COPZ2: variants seen among roughly 807,000 people sequenced by gnomAD.
COPZ2 encodes the protein coat protein complex I subunit zeta 2.
A neutral mutation model predicts 33.2 loss-of-function variants in COPZ2; 30 were observed. The ratio of observed to expected loss-of-function variants is 0.90; its 90% CI spans 0.68 to 1.23. The LOEUF (loss-of-function observed/expected upper bound fraction) is 1.23. Among genes scored for constraint, COPZ2 ranks in the 50% most tolerant of loss-of-function variants. The probability of loss-of-function intolerance (pLI) is 0.00; values close to 1 mark genes in which losing one functional copy is unlikely to be tolerated. For synonymous variants in COPZ2, 89 were observed against 102.6 expected (o/e 0.87, Z 0.80); for missense variants, 263 against 262.4 (o/e 1.00, Z -0.02).
chr17:48,040,108 C>T (rs114759915), upstream of COPZ2, among the ~76,000 whole-genome samples: 12,736 of 149,792 alleles, frequency 0.085, 633 homozygotes, highest in African/African-American at 0.12. Context: ...GCCAAGAGAG[C>T]GAGAACCTGC....
At chr17:48,029,314 C>T (rs1598257332) in intron 6 of COPZ2, 138 bp from the exon 7 acceptor site, 7 of 776,300 alleles carry the variant, frequency 9.0e-6, no homozygotes, top group Middle Eastern at 3.5e-4. Flanking sequence ...CCACTGATAG[C>T]CCTCAAGTCA....
chr17:48,026,912 G>A (rs1415490949), intron 8 of COPZ2, among the ~76,000 whole-genome samples: 1 of 152,270 alleles, frequency 6.6e-6, no homozygotes, highest in Non-Finnish European at 1.5e-5. Flanking sequence ...CACTGCTGAT[G>A]TGGCATAGCT....
At chr17:48,041,808 AT>A (rs34673033), upstream of COPZ2, among the ~76,000 whole-genome samples, 68,597 of 141,710 alleles carry the variant, frequency 0.48, 15,959 homozygotes, top group Middle Eastern at 0.62. Flanking sequence ...GAGCTAGTCC[AT>A]TTTTTTTTTT....
chr17:48,037,919 T>G, upstream of COPZ2: 1 of 861,364 alleles, frequency 1.2e-6, no homozygotes, highest in Non-Finnish European at 1.4e-6. The surrounding 1 kb of genome is among the most constrained non-coding windows in gnomAD (Gnocchi z 5.6). Context: ...CTCCCCCATC[T>G]CCCCTCCCGC....
chr17:48,042,868 C>T (rs958807087), upstream of COPZ2, among the ~76,000 whole-genome samples: 4 of 152,222 alleles, frequency 2.6e-5, no homozygotes, highest in Admixed American at 6.5e-5. Context: ...TCCCCAAACT[C>T]CTTCAACAGA....
rs937886039 is a variant in COPZ2 at position 48,037,418 on chromosome 17, CAA to C, written c.111+247_111+248del. On this transcript the variant is annotated intron_variant, in intron 1 of 8. Coordinates refer to ENST00000621465, the MANE Select transcript of COPZ2 (RefSeq NM_016429.4). The surrounding 1 kb of genome is among the most constrained non-coding windows in gnomAD (Gnocchi z 5.6). ...ACTCCTTACCCTCCCCGCGGAATCG[CAA>C]CTCACCCGCCACCCCCACTCCAAAC... Among the ~76,000 whole-genome samples, 10 of 152,190 alleles carry C rather than the reference CAA, an allele frequency of 6.6e-5. No individual in the cohort carries two copies. Among genetic ancestry groups the C allele is most frequent in the Admixed American group, 2.0e-4 (3 of 15,288 alleles).
At chr17:48,040,078 C>T (rs1293844246), upstream of COPZ2, among the ~76,000 whole-genome samples, 1 of 151,762 alleles carries the variant, frequency 6.6e-6, no homozygotes, top group African/African-American at 2.4e-5. Context: ...CCCGAGACCG[C>T]ACTACAGCAC....
the COPZ2 span, among the ~76,000 whole-genome samples, chr17:48,044,325 C>A: frequency 6.6e-6 from 1 of 151,414 alleles, no homozygotes; most frequent in Non-Finnish European, 1.5e-5. Flanking sequence ...CCAGCCTGGA[C>A]CACAGAGCGA....
upstream of COPZ2, among the ~76,000 whole-genome samples, chr17:48,038,783 AT>A (rs1380560123): frequency 2.6e-5 from 4 of 152,152 alleles, no homozygotes; most frequent in Non-Finnish European, 5.9e-5. Flanking sequence ...CTTACCCTAG[AT>A]GGTTACAGAA....
At chr17:48,043,393 C>T in the COPZ2 span, 4 of 387,286 alleles carry the variant, frequency 1.0e-5, no homozygotes, top group South Asian at 1.1e-4. Flanking sequence ...AGGATTTCAG[C>T]ATCTGTTCTT....
rs1321809895 is a variant in COPZ2, at chr17:48,033,910, T to G, written c.221A>C (p.Gln74Pro). ...YDDTFPSMKE[Q>P]MVFEKNVFNK... ...GAAGACATTTTTCTCGAAAACCATCTGCTCCTTCATGGAGGGGAATGTGTC... is the reference window on the plus strand; with the variant it reads ...GAAGACATTTTTCTCGAAAACCATCGGCTCCTTCATGGAGGGGAATGTGTC... Residue 74 changes from glutamine to proline, a missense_variant, in exon 3 of 9, where the codon CAG becomes CCG. Gln to Pro is a moderately conservative substitution (Grantham distance 76, BLOSUM62 -1). Transcript: ENST00000621465. 3 of 1,611,754 alleles carry G rather than the reference T, an allele frequency of 1.9e-6. No homozygotes were observed. Among genetic ancestry groups the G allele is most frequent in the Non-Finnish European group, 1.7e-6 (2 of 1,178,912 alleles).
the COPZ2 span, among the ~76,000 whole-genome samples, chr17:48,044,888 C>T: frequency 2.2e-4 from 33 of 152,132 alleles, no homozygotes; most frequent in Admixed American, 2.2e-3. Context: ...AATCTATTCC[C>T]CTGGATTAGA....
In COPZ2 at chr17:48,026,212, A is replaced by G; in HGVS notation, c.*216T>C. The G allele has an allele frequency of 1.8e-6, 1 of 545,830 alleles. No homozygotes were observed. The highest frequency in any genetic ancestry group is 3.3e-6 in the Non-Finnish European group (1 of 307,672). 33.8% of individuals were successfully genotyped at this position (545,830 alleles called of 1,614,324 possible). A position where few individuals can be genotyped will look rare whatever the true frequency, so the allele number is the denominator to read the frequency against. ...GTTTATTAGGGCCCTGGGGCCAGGA[A>G]TGCCTAAGATATGAGTTAAGGCCAG... On this transcript the variant is annotated 3_prime_UTR_variant, in exon 9 of 9. Transcript: ENST00000621465.
At position 48,026,305 on chromosome 17, in the gene COPZ2, T is replaced by G; in HGVS notation, c.*123A>C. 1.3e-6 allele frequency: 1 copy of G among 743,644 alleles called. No individual in the cohort carries two copies. The highest frequency in any genetic ancestry group is 2.3e-6 in the Non-Finnish European group (1 of 440,862). The allele number at this position is 743,644 out of a possible 1,614,324, so 46.1% of individuals were successfully genotyped here. ...TCTCAGAAGCCCTGGCTGGAGACCT[T>G]AGGAGTCAGTTCTGGGAGGGACCTG... On this transcript the variant is annotated 3_prime_UTR_variant, in exon 9 of 9. Transcript: ENST00000621465.
chr17:48,034,003 G>T, intron 2 of COPZ2, 59 bp from the exon 3 acceptor site: 1 of 1,253,460 alleles, frequency 8.0e-7, no homozygotes, highest in Non-Finnish European at 1.1e-6. Context: ...ATCCTCCCTA[G>T]ATTGGGGGGC....
chr17:48,039,482 A>AG (rs1326688142), upstream of COPZ2, among the ~76,000 whole-genome samples: 162 of 151,298 alleles, frequency 1.1e-3, no homozygotes, highest in South Asian at 1.9e-3. Context: ...AAAAAAAAAA[A>AG]AAGAAGAAGA....
the COPZ2 span, chr17:48,043,654 G>A: frequency 3.0e-6 from 2 of 671,172 alleles, no homozygotes; most frequent in African/African-American, 2.0e-5. Context: ...GTGGAGAGAG[G>A]ATTATTCAAG....
chr17:48,028,449 A>G lies in COPZ2; in HGVS notation c.585+23T>C. ...GTATCTCTCTAGACCATTTCTAGCCAAGGCAGATGCAGGGGGGCCTACCTG... is the reference window on the plus strand; with the variant it reads ...GTATCTCTCTAGACCATTTCTAGCCGAGGCAGATGCAGGGGGGCCTACCTG... On this transcript the variant is annotated intron_variant, in intron 8 of 8. Transcript: ENST00000621465. The surrounding 1 kb of genome is among the most constrained non-coding windows in gnomAD (Gnocchi z 4.5). 1 of 1,606,036 alleles carries G rather than the reference A, an allele frequency of 6.2e-7. No individual in the cohort carries two copies. Among genetic ancestry groups the G allele is most frequent in the Admixed American group, 1.7e-5 (1 of 58,922 alleles).
chr17:48,039,366 G>A (rs2037038025), upstream of COPZ2, among the ~76,000 whole-genome samples: 2 of 151,600 alleles, frequency 1.3e-5, no homozygotes, highest in South Asian at 4.2e-4. Context: ...CAGCTACTCA[G>A]AAGGCTGAGG....
Sources: allele counts gnomAD v4.1 joint callset (sites outside exome capture counted in the v4.1 genomes callset), GRCh38; gene constraint gnomAD v4.1.1; non-coding constraint Gnocchi (gnomAD v3.1); transcripts MANE v1.5; gene names NCBI Gene and HGNC (gene_info 2026-07-23, HGNC 2026-07-21).